Variants in CCAR1 observed in about 807,000 individuals in gnomAD.
The protein encoded by CCAR1 is cell division cycle and apoptosis regulator 1.
A neutral mutation model predicts 163.8 loss-of-function variants in CCAR1; 78 were observed. The observed-to-expected ratio is 0.48, with a 90% CI of 0.40 to 0.57. The LOEUF (loss-of-function observed/expected upper bound fraction) is 0.57, where lower values mean the gene tolerates loss of function less well. CCAR1 is among the 20% of genes least tolerant of loss of function. The pLI is 0.00. For synonymous variants in CCAR1, 443 were observed against 460.7 expected, an observed-to-expected ratio of 0.96 and a Z score of 0.49; for missense variants, 1,019 against 1,365.2, an observed-to-expected ratio of 0.75 and a Z score of 4.00.
Position 68,749,157 on chromosome 10 carries a change from T to G in CCAR1, c.848T>G (p.Val283Gly). The change falls in exon 9 of 25, where the codon GTT becomes GGT. Residue 283 changes from valine (V) to glycine (G), a missense_variant. Val to Gly is a moderately radical substitution (Grantham distance 109, BLOSUM62 -3). Around this residue, in one of 4 missense-constraint regions of CCAR1, gnomAD observed 644 missense variants for 904.4 expected, o/e 0.71. Coordinates refer to ENST00000265872, the MANE Select transcript of CCAR1 (RefSeq NM_018237.4). Reference protein sequence around the residue: ...QQKAGLLQPPVRIVSQPQPAR... With the variant: ...QQKAGLLQPPGRIVSQPQPAR... ...AAAGCTGGTTTATTGCAGCCTCCTGTTCGTATAGTTTCACAGCCACAACCG... is the reference window on the plus strand; with the variant it reads ...AAAGCTGGTTTATTGCAGCCTCCTGGTCGTATAGTTTCACAGCCACAACCG... 6.2e-7 allele frequency: 1 copy of G among 1,614,058 alleles called. No homozygotes were observed. Among genetic ancestry groups the G allele is most frequent in the Non-Finnish European group, 8.5e-7 (1 of 1,179,980 alleles).
At position 68,756,384 on chromosome 10, in the gene CCAR1, C is replaced by T. The variant is rs1211968283; in HGVS notation, c.1737C>T (p.Cys579=). 1 of 1,613,928 alleles carries T rather than the reference C, an allele frequency of 6.2e-7. No homozygotes were observed. Among genetic ancestry groups the T allele is most frequent in the Non-Finnish European group, 8.5e-7 (1 of 1,179,902 alleles). The change falls in exon 14 of 25, where the codon TGC becomes TGT. Residue 579 remains cysteine, a synonymous_variant. Transcript: ENST00000265872. This position sits in a 1 kb window ranked among gnomAD's most constrained non-coding sequence, Gnocchi z 5.1. ...VVLFFPDVWH[C]LPTRSEWETL... ...TATTTTTCCCGGATGTTTGGCATTG[C>T]CTTCCCACCCGCTCAGAGTGGGAAA... is the stretch of plus-strand genomic sequence containing the variant.
chr10:68,747,373 G>T lies in CCAR1; in HGVS notation c.634-1G>T, dbSNP rs1203184424. 1.2e-5 allele frequency: 19 copies of T among 1,603,272 alleles called. No individual in the cohort carries two copies. The highest frequency in any genetic ancestry group is 1.4e-5 in the Non-Finnish European group (16 of 1,176,302). On this transcript the variant is annotated splice_acceptor_variant, in intron 7 of 24. Transcript: ENST00000265872. LOFTEE classifies it high-confidence loss of function. ...CTTATTCTTTCATTTTTTAATTGAA[G>T]AATCAGTCGCAAACCCAGCCATTAC... is the stretch of plus-strand genomic sequence containing the variant.
intron 16 of CCAR1, among the ~76,000 whole-genome samples, chr10:68,765,376 C>G (rs7098913): frequency 2.6e-5 from 4 of 152,152 alleles, no homozygotes; most frequent in African/African-American, 9.7e-5. Context: ...TCTTGTTCTC[C>G]CATTGCTTCC....
rs1338360462 is a variant in CCAR1 at position 68,756,139 on chromosome 10, A to G, written c.1626-134A>G. 9.6e-6 allele frequency: 6 copies of G among 624,998 alleles called. No homozygotes were observed. The highest frequency in any genetic ancestry group is 1.9e-5 in the African/African-American group (1 of 54,048). 38.7% of individuals were successfully genotyped at this position (624,998 alleles called of 1,614,324 possible). A position where few individuals can be genotyped will look rare whatever the true frequency, so the allele number is the denominator to read the frequency against. Reference sequence around the variant, plus strand: ...TACCAAAAGAGGAACTATGGCTTCTATAATTTTTTTTTCTTTAGACCAACC... The same window carrying G: ...TACCAAAAGAGGAACTATGGCTTCTGTAATTTTTTTTTCTTTAGACCAACC... On this transcript the variant is annotated intron_variant, in intron 13 of 24. Coordinates refer to ENST00000265872, the MANE Select transcript of CCAR1 (RefSeq NM_018237.4). This position sits in a 1 kb window ranked among gnomAD's most constrained non-coding sequence, Gnocchi z 5.1.
At chr10:68,751,978 T>G (rs10998414) in intron 10 of CCAR1, among the ~76,000 whole-genome samples, 2 of 146,338 alleles carry the variant, frequency 1.4e-5, no homozygotes, top group East Asian at 4.3e-4. Context: ...GTGCAGTGGC[T>G]CAATCTCGGC....
At position 68,788,594 on chromosome 10, in the gene CCAR1, C is replaced by A. The variant is rs570155770; in HGVS notation, c.3187+266C>A. On this transcript the variant is annotated intron_variant, in intron 23 of 24. Transcript: ENST00000265872. ...CTGCCTCCCGGATCCAAGTGATTCT[C>A]CCACCTCAGTCTCCCAAGTAGCTGG... is the stretch of plus-strand genomic sequence containing the variant. Among the ~76,000 whole-genome samples, 10 of 152,294 alleles carry A rather than the reference C, an allele frequency of 6.6e-5. No homozygotes were observed. In the East Asian group the frequency reaches 1.7e-3, roughly 27 times the overall value.
chr10:68,783,684 C>G (rs1286182175), intron 19 of CCAR1, among the ~76,000 whole-genome samples: 1 of 151,860 alleles, frequency 6.6e-6, no homozygotes, highest in Non-Finnish European at 1.5e-5. Context: ...AGCAAGAGAA[C>G]TAAAATTAGA....
At chr10:68,760,194 G>A (rs551374558) in intron 15 of CCAR1, among the ~76,000 whole-genome samples, 7 of 152,068 alleles carry the variant, frequency 4.6e-5, no homozygotes, top group Middle Eastern at 3.4e-3. Context: ...GGTCTCTGTC[G>A]CCGCGGCTGG....
chr10:68,756,545 A>G lies in CCAR1; in HGVS notation c.1836+62A>G. ...TCACAGGCACAGGAACACAGGCACA[A>G]ATGCACACCACACACTACATAATAA... On this transcript the variant is annotated intron_variant, in intron 14 of 24. Coordinates refer to ENST00000265872, the MANE Select transcript of CCAR1 (RefSeq NM_018237.4). This position sits in a 1 kb window ranked among gnomAD's most constrained non-coding sequence, Gnocchi z 5.1. 1 of 1,247,138 alleles carries G rather than the reference A, an allele frequency of 8.0e-7. No individual in the cohort carries two copies. Among genetic ancestry groups the G allele is most frequent in the Non-Finnish European group, 1.2e-6 (1 of 869,290 alleles). 77.3% of individuals were successfully genotyped at this position (1,247,138 alleles called of 1,614,324 possible). A position where few individuals can be genotyped will look rare whatever the true frequency, so the allele number is the denominator to read the frequency against.
chr10:68,767,637 C>T (rs1022684146), intron 17 of CCAR1, among the ~76,000 whole-genome samples: 1 of 152,182 alleles, frequency 6.6e-6, no homozygotes, highest in African/African-American at 2.4e-5. Flanking sequence ...CTCCGCCTCC[C>T]AGGTTTGAGC....
rs1394519137 is a variant in CCAR1, at chr10:68,749,532, G to A, written c.965G>A (p.Arg322Lys). The change falls in exon 10 of 25, where the codon AGA (arginine) becomes AAA (lysine). Residue 322 changes from arginine to lysine, a missense_variant. This residue lies in a region of CCAR1 where 644 missense variants were observed against 904.4 expected (regional missense o/e 0.71). Transcript: ENST00000265872. ...GAAAAATTTGCTTTCAGTCGTGAGA[G>A]AGAGAGAGAAAGACGTAGATCGAGA... ...PNRKDDRSRE[R>K]ERERRRSRER... 1 of 1,611,862 alleles carries A rather than the reference G, an allele frequency of 6.2e-7. No individual in the cohort carries two copies. The highest frequency in any genetic ancestry group is 1.3e-5 in the African/African-American group (1 of 74,942).
At chr10:68,752,234 C>A (rs2133357623) in intron 10 of CCAR1, among the ~76,000 whole-genome samples, 1 of 152,104 alleles carries the variant, frequency 6.6e-6, no homozygotes, top group East Asian at 1.9e-4. Context: ...TTTAGTTTTA[C>A]CACTTTGAAG....
chr10:68,752,488 C>T (rs542373415), intron 10 of CCAR1, among the ~76,000 whole-genome samples: 1 of 152,230 alleles, frequency 6.6e-6, no homozygotes, highest in East Asian at 1.9e-4. Flanking sequence ...ATTATACATA[C>T]TTGCTTTTTG....
chr10:68,731,452 C>T (rs906193483), intron 2 of CCAR1, among the ~76,000 whole-genome samples: 13 of 152,242 alleles, frequency 8.5e-5, no homozygotes, highest in African/African-American at 2.6e-4. Flanking sequence ...AAGATATAAT[C>T]ACATTCACAG....
At chr10:68,725,163 A>G (rs2055923541) in intron 2 of CCAR1, among the ~76,000 whole-genome samples, 2 of 152,122 alleles carry the variant, frequency 1.3e-5, no homozygotes, top group Non-Finnish European at 2.9e-5. Context: ...TAGTTGTAAA[A>G]GCAGTAAAAG....
At chr10:68,743,604 G>A (rs369341787) in intron 6 of CCAR1, among the ~76,000 whole-genome samples, 6 of 150,754 alleles carry the variant, frequency 4.0e-5, no homozygotes, top group African/African-American at 4.9e-5. Context: ...GTGCAGTGGC[G>A]TGATCTCACC....
chr10:68,778,532 T>A (rs1564550778), intron 19 of CCAR1, among the ~76,000 whole-genome samples: 1 of 150,048 alleles, frequency 6.7e-6, no homozygotes, highest in African/African-American at 2.4e-5. Flanking sequence ...TATCCTCTCC[T>A]TTTTTTTTTT....
chr10:68,742,034 A>G (rs2056190436), intron 5 of CCAR1, among the ~76,000 whole-genome samples: 2 of 152,320 alleles, frequency 1.3e-5, no homozygotes, highest in African/African-American at 2.4e-5. Flanking sequence ...CCCATAACAC[A>G]TTACTAGTAT....
At chr10:68,755,298 C>T (rs1329808512) in intron 12 of CCAR1, 72 bp from the exon 13 acceptor site, 1 of 1,351,576 alleles carries the variant, frequency 7.4e-7, no homozygotes, top group Non-Finnish European at 1.1e-6. Flanking sequence ...TTGTACCTTT[C>T]CTTCTCAAGT....
Sources: gnomAD v4.1 joint callset for allele counts (sites outside exome capture counted in the v4.1 genomes callset) on GRCh38, gnomAD v4.1.1 for gene constraint, gnomAD v4.1.1 regional missense constraint, Gnocchi (gnomAD v3.1) non-coding constraint, MANE v1.5 for transcripts, NCBI Gene and HGNC (gene_info 2026-07-23, HGNC 2026-07-21) for gene names.